SH2D3C: variants seen among roughly 807,000 people sequenced by gnomAD.
SH2D3C encodes SH2 domain containing 3C.
SH2D3C carries 25 observed loss-of-function variants against 75.2 expected under a neutral mutation model. The ratio of observed to expected loss-of-function variants is 0.33; its 90% CI spans 0.24 to 0.46. SH2D3C has a LOEUF of 0.46. SH2D3C is among the 20% of genes least tolerant of loss of function. The pLI is 1.00. For missense variants in SH2D3C, 933 were observed against 1,165.3 expected, an observed-to-expected ratio of 0.80 and a Z score of 2.90; for synonymous variants, 450 against 473.7, an observed-to-expected ratio of 0.95 and a Z score of 0.65.
intron 2 of SH2D3C, 69 bp from the exon 3 acceptor site, chr9:127,761,719 G>A: frequency 7.3e-7 from 1 of 1,377,172 alleles, no homozygotes; most frequent in Non-Finnish European, 1.0e-6. Flanking sequence ...TCTCTTGCCT[G>A]CCTGCCTGGG....
chr9:127,743,880 GC>G (rs1213898529), intron 7 of SH2D3C, among the ~76,000 whole-genome samples: 4 of 151,934 alleles, frequency 2.6e-5, no homozygotes, highest in African/African-American at 4.8e-5. Flanking sequence ...TTGTCCAGTG[GC>G]GGGGGGGCGG....
chr9:127,744,837 T>C lies in SH2D3C; in HGVS notation c.1527A>G (p.Ala509=). The change falls in exon 7 of 12, where the codon GCA becomes GCG. Residue 509 remains alanine (A), a synonymous_variant. Transcript: ENST00000314830. ...QPPVRGSREW[A]ATETSSQQAR... The stretch of plus-strand genomic sequence containing the variant: ...CCTGCTGGCTGGAGGTCTCAGTCGC[T>C]GCCCACTCTCGGCTGCCACGCACGG... 6.2e-7 allele frequency: 1 copy of C among 1,614,170 alleles called. No individual in the cohort carries two copies. The highest frequency in any genetic ancestry group is 8.5e-7 in the Non-Finnish European group (1 of 1,180,026).
At chr9:127,756,639 G>GGTT (rs1845385658) in intron 3 of SH2D3C, among the ~76,000 whole-genome samples, 1 of 133,704 alleles carries the variant, frequency 7.5e-6, no homozygotes, top group African/African-American at 3.0e-5. Context: ...GTAGGAGGGG[G>GGTT]CTTTTTTTTT....
chr9:127,742,127 G>A (rs542059739), intron 8 of SH2D3C, among the ~76,000 whole-genome samples, 168 bp from the exon 9 acceptor site: 11 of 152,184 alleles, frequency 7.2e-5, no homozygotes, highest in African/African-American at 1.7e-4. Context: ...GGAAAGCAAG[G>A]CCTCGGGCTT....
In SH2D3C at chr9:127,774,165, G is replaced by T. The variant is rs1261297543; in HGVS notation, c.340C>A (p.Pro114Thr). The T allele has an allele frequency of 6.2e-7, 1 of 1,614,096 alleles. No individual in the cohort carries two copies. Among genetic ancestry groups the T allele is most frequent in the East Asian group, 2.2e-5 (1 of 44,874 alleles). Residue 114 changes from proline to threonine, a missense_variant, in exon 2 of 12, where the codon CCC becomes ACC. Coordinates refer to ENST00000314830, the MANE Select transcript of SH2D3C (RefSeq NM_170600.3). This position sits in a 1 kb window ranked among gnomAD's most constrained non-coding sequence, Gnocchi z 4.3. The part of the protein sequence containing the change: ...PNLVPGGVPD[P>T]PGLEAAKEVM... ...TCTTTGGCTGCCTCCAAGCCTGGGG[G>T]GTCGGGTACACCTCCGGGTACCAAG...
intron 1 of SH2D3C, among the ~76,000 whole-genome samples, chr9:127,777,751 G>C (rs1025744105): frequency 6.6e-6 from 1 of 152,146 alleles, no homozygotes; most frequent in Admixed American, 6.6e-5. Flanking sequence ...CACAGAGATG[G>C]AGAACGAAGT....
rs568591161 is a variant in SH2D3C, at chr9:127,769,604, C to T, written c.515+4386G>A. ...CCAGGAGGCGGAGGTTGCGGTCAGC[C>T]GAGATCACACCATTGCACCCCAGCC... On this transcript the variant is annotated intron_variant, in intron 2 of 11. Transcript: ENST00000314830. Among the ~76,000 whole-genome samples, 6 of 148,220 alleles carry T rather than the reference C, an allele frequency of 4.0e-5. No individual in the cohort carries two copies. The East Asian group carries it at 1.2e-3, about 29-fold the overall frequency.
intron 9 of SH2D3C, 140 bp downstream of exon 9, chr9:127,741,648 C>T (rs1844859440): frequency 2.9e-6 from 3 of 1,048,170 alleles, no homozygotes; most frequent in East Asian, 5.4e-5. Context: ...ACTTGCAGAA[C>T]TCAGTTCTCC....
intron 9 of SH2D3C, among the ~76,000 whole-genome samples, chr9:127,741,344 G>C (rs184118371): frequency 1.3e-5 from 2 of 151,056 alleles, no homozygotes; most frequent in African/African-American, 4.9e-5. Context: ...TGGTTCAAGC[G>C]ATTCTCCTGC....
chr9:127,739,967 A>C lies in SH2D3C; in HGVS notation c.2201-79T>G. On this transcript the variant is annotated intron_variant, in intron 10 of 11. Coordinates refer to ENST00000314830, the MANE Select transcript of SH2D3C (RefSeq NM_170600.3). The surrounding 1 kb of genome is among the most constrained non-coding windows in gnomAD (Gnocchi z 4.3). ...ACTGCAGTCCTGGAAGCTGAGGTGC[A>C]GGAGGGAACGGGCCTGGCTGAGGTC... 7.4e-7 allele frequency: 1 copy of C among 1,344,118 alleles called. No homozygotes were observed. Among genetic ancestry groups the C allele is most frequent in the Non-Finnish European group, 1.0e-6 (1 of 996,672 alleles). 83.3% of individuals were successfully genotyped at this position (1,344,118 alleles called of 1,614,324 possible).
At chr9:127,760,418 CTG>C (rs1564421287) in intron 3 of SH2D3C, among the ~76,000 whole-genome samples, 1 of 152,020 alleles carries the variant, frequency 6.6e-6, no homozygotes, top group Non-Finnish European at 1.5e-5. Context: ...GCAAAAGTAA[CTG>C]TGGTTTTCAC....
rs936721285 is a variant in SH2D3C at position 127,745,182 on chromosome 9, C to G, written c.1265-83G>C. 3 of 1,181,920 alleles carry G rather than the reference C, an allele frequency of 2.5e-6. No individual in the cohort carries two copies. The East Asian group carries it at 7.8e-5, about 31-fold the overall frequency. The allele number at this position is 1,181,920 out of a possible 1,614,324, so 73.2% of individuals were successfully genotyped here. A position where few individuals can be genotyped will look rare whatever the true frequency, so the allele number is the denominator to read the frequency against. On this transcript the variant is annotated intron_variant, in intron 6 of 11. Transcript: ENST00000314830. ...CCCGCACCCCTTCCCAAAGAACAGGCTCCCTCACTCCTTGTAGGGAGTACA... is the reference window on the plus strand; with the variant it reads ...CCCGCACCCCTTCCCAAAGAACAGGGTCCCTCACTCCTTGTAGGGAGTACA...
At chr9:127,741,674 A>G in intron 9 of SH2D3C, 114 bp downstream of exon 9, 5 of 1,324,226 alleles carry the variant, frequency 3.8e-6, no homozygotes, top group Non-Finnish European at 5.1e-6. Flanking sequence ...AGTCTCACCA[A>G]TTCTGCCTAG....
intron 1 of SH2D3C, among the ~76,000 whole-genome samples, chr9:127,777,960 A>C (rs1031252526): frequency 6.6e-6 from 1 of 152,090 alleles, no homozygotes. Context: ...CTCTAAAAAA[A>C]AAAAAAAATC....
At chr9:127,771,391 C>T in intron 2 of SH2D3C, 6 of 1,327,336 alleles carry the variant, frequency 4.5e-6, no homozygotes, top group Non-Finnish European at 5.8e-6. Context: ...CTTGCCCGGC[C>T]CCACTCCACC....
At chr9:127,768,815 A>G (rs1471788005) in intron 2 of SH2D3C, among the ~76,000 whole-genome samples, 2 of 132,718 alleles carry the variant, frequency 1.5e-5, no homozygotes, top group Non-Finnish European at 3.1e-5. Flanking sequence ...CCCCGGCCAC[A>G]GTGGTCTCTA....
Position 127,738,672 on chromosome 9 carries a change from G to T in SH2D3C, c.*74C>A. ...TCGGGTTGATCACAGTGTCCTTGGG[G>T]TGCTCTGGGGAAAGTTGTGTGCCCC... On this transcript the variant is annotated 3_prime_UTR_variant, in exon 12 of 12. Coordinates refer to ENST00000314830, the MANE Select transcript of SH2D3C (RefSeq NM_170600.3). The surrounding 1 kb of genome is among the most constrained non-coding windows in gnomAD (Gnocchi z 5.0). 1 of 1,427,682 alleles carries T rather than the reference G, an allele frequency of 7.0e-7. No individual in the cohort carries two copies. Among genetic ancestry groups the T allele is most frequent in the Non-Finnish European group, 9.4e-7 (1 of 1,066,684 alleles). 88.4% of individuals were successfully genotyped at this position (1,427,682 alleles called of 1,614,324 possible).
intron 1 of SH2D3C, among the ~76,000 whole-genome samples, 172 bp downstream of exon 1, chr9:127,778,419 G>A (rs1384832398): frequency 6.6e-6 from 1 of 151,844 alleles, no homozygotes; most frequent in Non-Finnish European, 1.5e-5. Context: ...TTGTGCCACT[G>A]CACTCCAGCC....
At chr9:127,745,291 A>C (rs1844994559) in intron 6 of SH2D3C, among the ~76,000 whole-genome samples, 192 bp from the exon 7 acceptor site, 1 of 151,818 alleles carries the variant, frequency 6.6e-6, no homozygotes, top group Non-Finnish European at 1.5e-5. Flanking sequence ...TGATGCTCTG[A>C]AATCACCAGG....
Sources: gnomAD v4.1 joint callset for allele counts (sites outside exome capture counted in the v4.1 genomes callset) on GRCh38, gnomAD v4.1.1 for gene constraint, Gnocchi (gnomAD v3.1) non-coding constraint, MANE v1.5 for transcripts, NCBI Gene and HGNC (gene_info 2026-07-23, HGNC 2026-07-21) for gene names.